The following DLEC1 variants were observed in gnomAD, a reference collection of about 807,000 sequenced individuals.
The protein encoded by DLEC1 is deleted in lung and esophageal cancer protein 1.
In DLEC1, 146 loss-of-function variants were observed where a neutral mutation model predicts 198.1. The observed-to-expected ratio is 0.74, with a 90% CI of 0.64 to 0.85. The LOEUF (loss-of-function observed/expected upper bound fraction) is 0.85, where lower values mean the gene tolerates loss of function less well. Ranked by LOEUF, DLEC1 falls within the 40% of genes least tolerant of loss-of-function variation. The pLI is 0.00. For missense variants in DLEC1, 2,233 were observed against 2,220.0 expected, an observed-to-expected ratio of 1.01 and a Z score of -0.12; for synonymous variants, 897 against 866.8, an observed-to-expected ratio of 1.03 and a Z score of -0.61.
At chr3:38,109,950 G>A in intron 22 of DLEC1, 149 bp from the exon 23 acceptor site, 1 of 890,992 alleles carries the variant, frequency 1.1e-6, no homozygotes, top group Non-Finnish European at 1.7e-6. Context: ...GGAAAGGTGG[G>A]TCTGTGGTTG....
At chr3:38,091,524 A>C (rs1026290952) in intron 10 of DLEC1, among the ~76,000 whole-genome samples, 2 of 152,190 alleles carry the variant, frequency 1.3e-5, no homozygotes, top group Non-Finnish European at 2.9e-5. Flanking sequence ...AAATGGGATT[A>C]CCTCAAACGA....
chr3:38,095,710 A>G (rs1698980277), intron 13 of DLEC1, 178 bp from the exon 14 acceptor site: 1 of 694,868 alleles, frequency 1.4e-6, no homozygotes, highest in Non-Finnish European at 2.4e-6. Context: ...ATGTTCTGGC[A>G]GCAACTTCAC....
chr3:38,077,715 TC>T lies in DLEC1; in HGVS notation c.1174-6442del, dbSNP rs367707424. On this transcript the variant is annotated intron_variant, in intron 6 of 36. Coordinates refer to ENST00000308059, the MANE Select transcript of DLEC1 (RefSeq NM_007335.4). Reference sequence around the variant, plus strand: ...ACCCTGTAGGAAAGGCCTCTACTTATCTAGTGAAAGTGTCTACTTAGACTAA... The same window carrying T: ...ACCCTGTAGGAAAGGCCTCTACTTATTAGTGAAAGTGTCTACTTAGACTAA... 4.6e-3 allele frequency among the ~76,000 whole-genome samples: 700 copies of T among 152,280 alleles called. 7 individuals carry two copies. The highest frequency in any genetic ancestry group is 0.016 in the African/African-American group (674 of 41,538).
chr3:38,085,413 C>G lies in DLEC1; in HGVS notation c.1401C>G (p.Pro467=). Residue 467 remains proline (P), a synonymous_variant, in exon 8 of 37, where the codon CCC becomes CCG. Coordinates refer to ENST00000308059, the MANE Select transcript of DLEC1 (RefSeq NM_007335.4). ...AGTCAGCCCACACACTTCTGATCCC[C>G]CTGCAGGCCCGGAGGCCGCCCCCCG... ...ETQSAHTLLI[P]LQARRPPPVL... The G allele has an allele frequency of 6.2e-7, 1 of 1,614,052 alleles. No homozygotes were observed. Among genetic ancestry groups the G allele is most frequent in the Non-Finnish European group, 8.5e-7 (1 of 1,179,990 alleles).
chr3:38,089,503 C>G (rs1282105064), intron 10 of DLEC1, among the ~76,000 whole-genome samples: 1 of 152,312 alleles, frequency 6.6e-6, no homozygotes, highest in Non-Finnish European at 1.5e-5. Flanking sequence ...TGATGAGAAA[C>G]TAGTTCTTGG....
At chr3:38,111,249 T>C (rs1183761146) in intron 23 of DLEC1, among the ~76,000 whole-genome samples, 5 of 152,170 alleles carry the variant, frequency 3.3e-5, no homozygotes, top group South Asian at 2.1e-4. Flanking sequence ...TAACTTTCTA[T>C]TGTGGAAAGC....
chr3:38,108,689 G>A (rs1214368178), intron 21 of DLEC1, among the ~76,000 whole-genome samples, 174 bp downstream of exon 21: 1 of 152,218 alleles, frequency 6.6e-6, no homozygotes, highest in African/African-American at 2.4e-5. Flanking sequence ...GCTCCCTAGG[G>A]ACACATGGTC....
At chr3:38,082,015 C>T (rs1175959783) in intron 6 of DLEC1, among the ~76,000 whole-genome samples, 4 of 127,742 alleles carry the variant, frequency 3.1e-5, no homozygotes, top group East Asian at 5.2e-4. Flanking sequence ...AGCTGCCGGG[C>T]GGAGGGGCTC....
chr3:38,113,730 G>T (rs1425076406), intron 25 of DLEC1, among the ~76,000 whole-genome samples: 3 of 151,886 alleles, frequency 2.0e-5, no homozygotes, highest in Non-Finnish European at 4.4e-5. Flanking sequence ...ATTGTTAAAA[G>T]AAAAGATTAT....
At position 38,085,417 on chromosome 3, in the gene DLEC1, C is replaced by G; in HGVS notation, c.1405C>G (p.Gln469Glu). Reference sequence around the variant, plus strand: ...AGCCCACACACTTCTGATCCCCCTGCAGGCCCGGAGGCCGCCCCCCGTGCT... The same window carrying G: ...AGCCCACACACTTCTGATCCCCCTGGAGGCCCGGAGGCCGCCCCCCGTGCT... ...QSAHTLLIPL[Q>E]ARRPPPVLTL... The change falls in exon 8 of 37, where the codon CAG becomes GAG. Residue 469 changes from glutamine (Q) to glutamate (E), a missense_variant. Physicochemically the swap from Gln to Glu is conservative, Grantham distance 29. Transcript: ENST00000308059. 6.2e-7 allele frequency: 1 copy of G among 1,614,018 alleles called. No individual in the cohort carries two copies. The highest frequency in any genetic ancestry group is 8.5e-7 in the Non-Finnish European group (1 of 1,179,980).
chr3:38,064,255 C>T (rs1696871068), intron 6 of DLEC1, among the ~76,000 whole-genome samples: 2 of 152,180 alleles, frequency 1.3e-5, no homozygotes, highest in South Asian at 4.2e-4. Context: ...TAACAAAGCA[C>T]ATCTTGCACC....
Position 38,097,821 on chromosome 3 carries a change from C to A in DLEC1, c.2643C>A (p.Ile881=). The change falls in exon 18 of 37, where the codon ATC becomes ATA. Residue 881 remains isoleucine, a synonymous_variant. Coordinates refer to ENST00000308059, the MANE Select transcript of DLEC1 (RefSeq NM_007335.4). ...LRLGQKATNS[I]QIRNVSQLPA... is the part of the protein sequence containing the mutation. ...TGGGGCAGAAAGCCACAAACTCCAT[C>A]CAGATCCGGAACGTCAGCCAGCTCC... The A allele has an allele frequency of 6.2e-7, 1 of 1,614,244 alleles. No individual in the cohort carries two copies. The highest frequency in any genetic ancestry group is 8.5e-7 in the Non-Finnish European group (1 of 1,180,044).
In DLEC1 at chr3:38,117,615, A is replaced by T; in HGVS notation, c.4485+4A>T. The T allele has an allele frequency of 6.2e-7, 1 of 1,614,054 alleles. No individual in the cohort carries two copies. Among genetic ancestry groups the T allele is most frequent in the Non-Finnish European group, 8.5e-7 (1 of 1,179,954 alleles). On this transcript the variant is annotated splice_donor_region_variant and intron_variant, in intron 32 of 36. Coordinates refer to ENST00000308059, the MANE Select transcript of DLEC1 (RefSeq NM_007335.4). ...TCCCGAGCAGCCCTGCTCTGGGGTG[A>T]GTGTGCTGCCACCCTCTGGCCCTGC... is the stretch of plus-strand genomic sequence containing the variant.
In DLEC1 at chr3:38,100,421, T is replaced by A; in HGVS notation, c.2860T>A (p.Trp954Arg). Residue 954 changes from tryptophan to arginine, a missense_variant, in exon 19 of 37, where the codon TGG becomes AGG. Trp to Arg is a moderately radical substitution (Grantham distance 101, BLOSUM62 -3). Coordinates refer to ENST00000308059, the MANE Select transcript of DLEC1 (RefSeq NM_007335.4). ...VLELEVENGA[W>R]SYLPVYAEVQ... is the part of the protein sequence containing the mutation. ...GGAGCTGGAGGTGGAAAATGGTGCC[T>A]GGAGGTAAGGGTGCCGTGGGAAGAG... The A allele has an allele frequency of 6.2e-7, 1 of 1,612,036 alleles. No homozygotes were observed. Among genetic ancestry groups the A allele is most frequent in the Non-Finnish European group, 8.5e-7 (1 of 1,179,276 alleles).
rs543038115 is a variant in DLEC1 at position 38,093,476 on chromosome 3, C to T, written c.1757-129C>T. ...TGGGCGGATATCCCCCTTTTCCCTC[C>T]AGTGTGAGCTTGCAGGAATCATGGT... On this transcript the variant is annotated intron_variant, in intron 11 of 36. Coordinates refer to ENST00000308059, the MANE Select transcript of DLEC1 (RefSeq NM_007335.4). 5.3e-5 allele frequency: 57 copies of T among 1,073,918 alleles called. No individual in the cohort carries two copies. In the African/African-American group the frequency reaches 8.2e-4, roughly 15 times the overall value. The allele number at this position is 1,073,918 out of a possible 1,614,324, so 66.5% of individuals were successfully genotyped here.
At position 38,112,144 on chromosome 3, in the gene DLEC1, C is replaced by T. The variant is rs879369422; in HGVS notation, c.3515-66C>T. 4.2e-5 allele frequency: 67 copies of T among 1,602,916 alleles called. No homozygotes were observed. Among genetic ancestry groups the T allele is most frequent in the Non-Finnish European group, 4.9e-5 (58 of 1,173,326 alleles). ...TCGGGGACAGTGCTTTGCTCACACA[C>T]GAGGGTTTGGACCTCACTCCCAACC... On this transcript the variant is annotated intron_variant, in intron 24 of 36. Transcript: ENST00000308059. This position sits in a 1 kb window ranked among gnomAD's most constrained non-coding sequence, Gnocchi z 4.8.
At chr3:38,084,440 G>A (rs367661990) in intron 7 of DLEC1, among the ~76,000 whole-genome samples, 195 bp downstream of exon 7, 24 of 1,874 alleles carry the variant, frequency 0.013, no homozygotes, top group South Asian at 0.048. Context: ...TAGTAGTGGT[G>A]GTGGTGGTGG....
intron 15 of DLEC1, 40 bp downstream of exon 15, chr3:38,096,777 A>G (rs778231302): frequency 1.3e-6 from 2 of 1,565,546 alleles, no homozygotes; most frequent in Non-Finnish European, 1.7e-6. Flanking sequence ...TGGCCGAGGC[A>G]GTGTTGACAT....
At chr3:38,041,408 G>A (rs887098729) in intron 1 of DLEC1, among the ~76,000 whole-genome samples, 1 of 152,126 alleles carries the variant, frequency 6.6e-6, no homozygotes, top group African/African-American at 2.4e-5. Context: ...CTCTCCAGAT[G>A]CCGGTATTAC....
Sources: allele counts gnomAD v4.1 joint callset (sites outside exome capture counted in the v4.1 genomes callset), GRCh38; gene constraint gnomAD v4.1.1; non-coding constraint Gnocchi (gnomAD v3.1); transcripts MANE v1.5; gene names NCBI Gene and HGNC (gene_info 2026-07-23, HGNC 2026-07-21).